ATP8A1: variants seen among roughly 807,000 people sequenced by gnomAD.
The protein encoded by ATP8A1 is ATPase phospholipid transporting 8A1.
ATP8A1 carries 90 observed loss-of-function variants against 177.7 expected under a neutral mutation model. The observed-to-expected ratio is 0.51, with a 90% confidence interval of 0.43 to 0.60. The LOEUF (loss-of-function observed/expected upper bound fraction) is 0.60. Among genes scored for constraint, ATP8A1 ranks in the 20% least tolerant of loss-of-function variants. The probability of loss-of-function intolerance (pLI) is 0.00; values close to 1 mark genes in which losing one functional copy is unlikely to be tolerated. For missense variants in ATP8A1, 1,072 were observed against 1,392.8 expected, an observed-to-expected ratio of 0.77 and a Z score of 3.67; for synonymous variants, 493 against 485.9, an observed-to-expected ratio of 1.01 and a Z score of -0.19.
chr4:42,603,782 C>T (rs1254607762), intron 5 of ATP8A1, among the ~76,000 whole-genome samples: 1 of 152,184 alleles, frequency 6.6e-6, no homozygotes. Context: ...TAGCCTCAGG[C>T]TAGTTTCCTG....
At chr4:42,522,015 T>C (rs1726179220) in intron 22 of ATP8A1, 145 bp downstream of exon 22, 8 of 878,018 alleles carry the variant, frequency 9.1e-6, no homozygotes, top group Non-Finnish European at 1.3e-5. Flanking sequence ...TATTAATACT[T>C]GTTAATGCTT....
intron 15 of ATP8A1, among the ~76,000 whole-genome samples, chr4:42,558,462 C>T (rs1730478267): frequency 6.6e-6 from 1 of 152,186 alleles, no homozygotes; most frequent in Admixed American, 6.5e-5. Context: ...ATATAATTTG[C>T]AGCTTCTTTA....
chr4:42,555,552 C>T (rs556209094), intron 16 of ATP8A1, among the ~76,000 whole-genome samples: 5 of 152,254 alleles, frequency 3.3e-5, no homozygotes, highest in South Asian at 2.1e-4. Flanking sequence ...AGGCCAGGCA[C>T]GGTGACTCAT....
intron 1 of ATP8A1, among the ~76,000 whole-genome samples, chr4:42,654,416 G>A (rs778112505): frequency 2.6e-5 from 4 of 152,136 alleles, no homozygotes; most frequent in Non-Finnish European, 4.4e-5. Flanking sequence ...CATTTCAAGG[G>A]GGGGAAAAGA....
intron 20 of ATP8A1, among the ~76,000 whole-genome samples, chr4:42,531,558 T>C (rs1230559984): frequency 1.3e-5 from 2 of 152,048 alleles, no homozygotes; most frequent in African/African-American, 4.8e-5. Context: ...GTACTGGAAG[T>C]CAAGGCCAGA....
At chr4:42,577,136 A>G (rs1465886645) in intron 12 of ATP8A1, among the ~76,000 whole-genome samples, 1 of 152,214 alleles carries the variant, frequency 6.6e-6, no homozygotes, top group Non-Finnish European at 1.5e-5. Context: ...ATCCAATACT[A>G]AAATTATATA....
intron 22 of ATP8A1, among the ~76,000 whole-genome samples, chr4:42,513,179 A>G (rs982745346): frequency 2.0e-5 from 3 of 151,952 alleles, no homozygotes; most frequent in African/African-American, 7.3e-5. Context: ...AACTCCTACC[A>G]TTCTCCCTTA....
intron 4 of ATP8A1, among the ~76,000 whole-genome samples, chr4:42,621,351 T>C (rs17532728): frequency 0.23 from 34,340 of 152,238 alleles, 4,353 homozygotes; most frequent in Non-Finnish European, 0.29. Flanking sequence ...TTTGATCCTC[T>C]ATAGAAAAAG....
intron 33 of ATP8A1, among the ~76,000 whole-genome samples, chr4:42,426,942 C>T (rs1050046888): frequency 1.3e-5 from 2 of 152,096 alleles, no homozygotes; most frequent in Non-Finnish European, 2.9e-5. Context: ...ACTACACCGG[C>T]ATAATATATT....
At chr4:42,554,300 T>A (rs1729823728) in intron 16 of ATP8A1, among the ~76,000 whole-genome samples, 1 of 152,024 alleles carries the variant, frequency 6.6e-6, no homozygotes, top group South Asian at 2.1e-4. Flanking sequence ...ATTCTAGCAA[T>A]CAGTGCCAAC....
At chr4:42,472,067 G>A in intron 25 of ATP8A1, 1 of 720,410 alleles carries the variant, frequency 1.4e-6, no homozygotes, top group Non-Finnish European at 2.6e-6. Flanking sequence ...TGGAGAAAAA[G>A]TTCAGTGGGA....
rs574143519 is a variant in ATP8A1 at position 42,595,391 on chromosome 4, G to T, written c.451-4507C>A. Among the ~76,000 whole-genome samples, 21 of 152,218 alleles carry T rather than the reference G, an allele frequency of 1.4e-4. No homozygotes were observed. The South Asian group carries it at 3.3e-3, about 24-fold the overall frequency. Reference sequence around the variant, plus strand: ...GAGGTTAGAAAAGGTTGGGGCAGGGGTATTGTCTTTTTATTTATGACACGT... The same window carrying T: ...GAGGTTAGAAAAGGTTGGGGCAGGGTTATTGTCTTTTTATTTATGACACGT... On this transcript the variant is annotated intron_variant, in intron 6 of 36. Transcript: ENST00000381668.
chr4:42,534,933 C>T (rs1560431317), intron 20 of ATP8A1, among the ~76,000 whole-genome samples: 2 of 152,106 alleles, frequency 1.3e-5, no homozygotes, highest in Non-Finnish European at 2.9e-5. Context: ...AGGAAAGATA[C>T]AGTCTTTTTC....
At chr4:42,527,747 A>T (rs1450540095) in intron 20 of ATP8A1, among the ~76,000 whole-genome samples, 2 of 149,544 alleles carry the variant, frequency 1.3e-5, no homozygotes, top group Non-Finnish European at 2.9e-5. Context: ...GAAAACTTCT[A>T]GGTCGAATGG....
chr4:42,560,281 T>C (rs1231363022), intron 15 of ATP8A1, among the ~76,000 whole-genome samples: 1 of 152,096 alleles, frequency 6.6e-6, no homozygotes, highest in Non-Finnish European at 1.5e-5. Flanking sequence ...AGGCTGTCTT[T>C]GGCAGGGGAA....
At chr4:42,588,439 T>C (rs905002644) in intron 7 of ATP8A1, 110 bp from the exon 8 acceptor site, 12 of 803,906 alleles carry the variant, frequency 1.5e-5, no homozygotes, top group South Asian at 3.8e-5. Context: ...GACAAAGTAA[T>C]AGTTACTTAG....
intron 6 of ATP8A1, among the ~76,000 whole-genome samples, chr4:42,592,958 T>A (rs553496680): frequency 2.0e-5 from 3 of 152,154 alleles, no homozygotes; most frequent in Non-Finnish European, 4.4e-5. Context: ...AATACATTCA[T>A]CACATTTTTA....
At chr4:42,543,728 C>A (rs1420442317) in intron 20 of ATP8A1, among the ~76,000 whole-genome samples, 189 bp downstream of exon 20, 1 of 152,106 alleles carries the variant, frequency 6.6e-6, no homozygotes, top group East Asian at 1.9e-4. Context: ...TTTCAAAGCA[C>A]CAAATTTACC....
At chr4:42,497,213 A>G (rs1233814211) in intron 24 of ATP8A1, among the ~76,000 whole-genome samples, 1 of 152,252 alleles carries the variant, frequency 6.6e-6, no homozygotes, top group Non-Finnish European at 1.5e-5. Flanking sequence ...CACTTGCTAG[A>G]CATGGGAACT....
Sources: gnomAD v4.1 joint callset for allele counts (sites outside exome capture counted in the v4.1 genomes callset) on GRCh38, gnomAD v4.1.1 for gene constraint, MANE v1.5 for transcripts, NCBI Gene and HGNC (gene_info 2026-07-23, HGNC 2026-07-21) for gene names.